The following S100A5 variants were observed in gnomAD, a reference collection of about 807,000 sequenced individuals.
S100A5 encodes the protein S100 calcium binding protein A5, also known as protein S100-A5.
S100A5 carries 5 observed loss-of-function variants against 6.7 expected under a neutral mutation model. The observed-to-expected ratio is 0.75, with a 90% CI of 0.39 to 1.57. S100A5 has a LOEUF of 1.57. Among genes scored for constraint, S100A5 ranks in the 40% most tolerant of loss-of-function variants. The pLI is 0.03. For missense variants in S100A5, 129 were observed against 110.8 expected (o/e 1.16, Z -0.74); for synonymous variants, 49 against 44.9 (o/e 1.09, Z -0.37).
chr1:153,543,405 G>A (rs1239529927), upstream of S100A5: 3 of 449,862 alleles, frequency 6.7e-6, no homozygotes, highest in African/African-American at 2.1e-5. Flanking sequence ...CTTGGCAGGG[G>A]GGTGGTGAGG....
At chr1:153,539,464 T>A (rs1181025854) in intron 2 of S100A5, among the ~76,000 whole-genome samples, 3 of 125,014 alleles carry the variant, frequency 2.4e-5, no homozygotes, top group African/African-American at 1.0e-4. Context: ...TATATATATA[T>A]ATATATATAT....
chr1:153,539,634 A>G (rs745688732), intron 2 of S100A5, among the ~76,000 whole-genome samples: 2 of 151,586 alleles, frequency 1.3e-5, no homozygotes, highest in Non-Finnish European at 2.9e-5. Context: ...TTTGAGTGCC[A>G]GCACCATCAG....
upstream of S100A5, chr1:153,543,090 G>T: frequency 2.8e-6 from 1 of 360,110 alleles, no homozygotes; most frequent in Non-Finnish European, 3.9e-6. Context: ...ATCCATCCCT[G>T]TGGTTTGAAG....
upstream of S100A5, chr1:153,543,494 C>G: frequency 2.2e-6 from 1 of 448,112 alleles, no homozygotes; most frequent in Non-Finnish European, 4.0e-6. Context: ...CTGCATCCCT[C>G]CCCTAACTTC....
chr1:153,543,279 AAC>A, upstream of S100A5: 1 of 985,382 alleles, frequency 1.0e-6, no homozygotes, highest in Non-Finnish European at 1.2e-6. Flanking sequence ...CCCAACCAGG[AAC>A]AGATATGACC....
At chr1:153,540,350 C>T in intron 1 of S100A5, 145 bp from the exon 2 acceptor site, 1 of 758,026 alleles carries the variant, frequency 1.3e-6, no homozygotes, top group Non-Finnish European at 2.1e-6. Context: ...CCATCTATAT[C>T]AGTACAGGTT....
intron 1 of S100A5, 57 bp from the exon 2 acceptor site, chr1:153,540,262 G>A (rs1665343403): frequency 1.3e-6 from 2 of 1,578,368 alleles, no homozygotes; most frequent in African/African-American, 1.4e-5. Flanking sequence ...AGCAGCACTA[G>A]CCTACCTCTG....
chr1:153,543,361 C>T, upstream of S100A5: 5 of 898,044 alleles, frequency 5.6e-6, no homozygotes, highest in Non-Finnish European at 6.7e-6. Context: ...GGTAAGTGGG[C>T]TGGCTGAGAT....
At chr1:153,539,895 T>C (rs1044423672) in intron 2 of S100A5, among the ~76,000 whole-genome samples, 159 bp downstream of exon 2, 2 of 151,896 alleles carry the variant, frequency 1.3e-5, no homozygotes, top group African/African-American at 4.8e-5. Flanking sequence ...AGGGCTAGAG[T>C]TTTGCTGGCC....
upstream of S100A5, among the ~76,000 whole-genome samples, chr1:153,543,075 G>T (rs1665440711): frequency 6.6e-6 from 1 of 152,160 alleles, no homozygotes; most frequent in Non-Finnish European, 1.5e-5. Context: ...CACAGGAAAG[G>T]ATTAATCCAT....
chr1:153,543,016 C>T (rs568693450), upstream of S100A5, among the ~76,000 whole-genome samples: 1 of 152,250 alleles, frequency 6.6e-6, no homozygotes, highest in Non-Finnish European at 1.5e-5. Flanking sequence ...TCTCATGCTG[C>T]TGCAAACAGC....
At chr1:153,541,220 C>A (rs1665374381), upstream of S100A5, among the ~76,000 whole-genome samples, 1 of 152,210 alleles carries the variant, frequency 6.6e-6, no homozygotes, top group African/African-American at 2.4e-5. Context: ...CACCCCAGAG[C>A]CATTTCTCAA....
chr1:153,539,450 A>AAAAAAAT (rs1553214691), intron 2 of S100A5, among the ~76,000 whole-genome samples: 1 of 31,194 alleles, frequency 3.2e-5, no homozygotes, highest in African/African-American at 1.1e-4. Context: ...AAAAAAAAAA[A>AAAAAAAT]ATATATATAT....
chr1:153,543,428 G>A (rs527630867), upstream of S100A5, among the ~76,000 whole-genome samples: 5 of 152,162 alleles, frequency 3.3e-5, no homozygotes, highest in East Asian at 3.9e-4. Context: ...TCCCCTTCTC[G>A]GCTTTGACCA....
intron 2 of S100A5, among the ~76,000 whole-genome samples, chr1:153,538,665 G>T (rs1036627295): frequency 3.9e-5 from 6 of 152,168 alleles, no homozygotes; most frequent in Admixed American, 6.5e-5. Context: ...TTCTGGGAGG[G>T]CCTACCAGGG....
upstream of S100A5, among the ~76,000 whole-genome samples, chr1:153,542,368 G>A (rs1297629572): frequency 1.3e-5 from 2 of 152,188 alleles, no homozygotes; most frequent in Non-Finnish European, 2.9e-5. Context: ...TGGTTGCTAT[G>A]CAGTAGGCAT....
At chr1:153,539,849 C>T (rs1248420704) in intron 2 of S100A5, among the ~76,000 whole-genome samples, 2 of 152,142 alleles carry the variant, frequency 1.3e-5, no homozygotes, top group Non-Finnish European at 2.9e-5. Flanking sequence ...GCCCTTCCTC[C>T]TTCTCAGTGA....
rs988737943 is a variant in S100A5 at position 153,540,276 on chromosome 1, C to A, written c.-14-71G>T. 7.3e-6 allele frequency: 11 copies of A among 1,506,772 alleles called. No homozygotes were observed. The Admixed American group carries it at 7.4e-5, about 10-fold the overall frequency. The allele number at this position is 1,506,772 out of a possible 1,614,324, so 93.3% of individuals were successfully genotyped here. Reference sequence around the variant, plus strand: ...CAGCAGCACTAGCCTACCTCTGAGGCCCCTCCCTCAAAGAACAAGAGACTG... The same window carrying A: ...CAGCAGCACTAGCCTACCTCTGAGGACCCTCCCTCAAAGAACAAGAGACTG... On this transcript the variant is annotated intron_variant, in intron 1 of 2. Coordinates refer to ENST00000368717, the MANE Select transcript of S100A5 (RefSeq NM_001394232.1).
intron 2 of S100A5, 53 bp downstream of exon 2, chr1:153,540,001 C>T (rs1409505207): frequency 3.1e-6 from 5 of 1,601,738 alleles, no homozygotes; most frequent in Non-Finnish European, 4.3e-6. Context: ...GTATGTGTCC[C>T]CCAGAGGGAG....
Sources: gnomAD v4.1 joint callset for allele counts (sites outside exome capture counted in the v4.1 genomes callset) on GRCh38, gnomAD v4.1.1 for gene constraint, MANE v1.5 for transcripts, NCBI Gene and HGNC (gene_info 2026-07-23, HGNC 2026-07-21) for gene names.